SLC6A18: variants seen among roughly 807,000 people sequenced by gnomAD.
SLC6A18 encodes the protein solute carrier family 6 member 18, also known as inactive sodium-dependent neutral amino acid transporter B(0)AT3.
Under a neutral mutation model 62.9 loss-of-function variants are expected in SLC6A18, and 58 were observed. That is an observed-to-expected ratio of 0.92 (90% CI 0.75 to 1.15). SLC6A18 has a LOEUF of 1.15. Ranked by LOEUF, SLC6A18 falls within the 50% of genes most tolerant of loss-of-function variation. The pLI, the probability that SLC6A18 is intolerant of heterozygous loss-of-function variation, is 0.00. For synonymous variants in SLC6A18, 382 were observed against 365.8 expected, an observed-to-expected ratio of 1.04 and a Z score of -0.51; for missense variants, 793 against 836.6, an observed-to-expected ratio of 0.95 and a Z score of 0.64.
chr5:1,238,295 T>G (rs1746945753), intron 5 of SLC6A18, among the ~76,000 whole-genome samples: 1 of 121,806 alleles, frequency 8.2e-6, no homozygotes, highest in Non-Finnish European at 1.8e-5. Flanking sequence ...AGGTTTGGAG[T>G]GGGCCTGGAG....
chr5:1,239,463 A>G lies in SLC6A18; in HGVS notation c.746A>G (p.Gln249Arg). ...YLFTPNMHIL[Q>R]NPRVWLDAAT... ...GACTCATTCCAGATGCACATTCTCC[A>G]GAACCCCCGGGTGTGGCTGGACGCA... is the stretch of plus-strand genomic sequence containing the variant. The change falls in exon 6 of 12, where the codon CAG becomes CGG. Residue 249 changes from glutamine (Q) to arginine (R), a missense_variant. Transcript: ENST00000324642. 6.2e-7 allele frequency: 1 copy of G among 1,613,948 alleles called. No homozygotes were observed. Among genetic ancestry groups the G allele is most frequent in the South Asian group, 1.1e-5 (1 of 91,084 alleles).
In SLC6A18 at chr5:1,246,027, CA is replaced by C; in HGVS notation, c.1837del (p.Thr613ArgfsTer?). The C allele has an allele frequency of 6.3e-7, 1 of 1,594,416 alleles. No homozygotes were observed. Among genetic ancestry groups the C allele is most frequent in the Non-Finnish European group, 8.5e-7 (1 of 1,175,966 alleles). On this transcript the variant is annotated frameshift_variant, in exon 12 of 12. Coordinates refer to ENST00000324642, the MANE Select transcript of SLC6A18 (RefSeq NM_182632.3). LOFTEE classifies it low-confidence loss of function (END_TRUNC). ...GCCCAGACACGGACATGCGCCCGGA[CA>C]CGGACACGCGCCCAGACACGGACAT... Reference protein sequence around the residue: ...ARPDTDMRPDTDTRPDTDMRP... With the variant: ...ARPDTDMRPDXDTRPDTDMRP...
chr5:1,229,673 G>A (rs1746672837), intron 1 of SLC6A18, among the ~76,000 whole-genome samples: 2 of 152,254 alleles, frequency 1.3e-5, no homozygotes, highest in African/African-American at 4.8e-5. Context: ...GCCTGAGTGT[G>A]GCCACGAAGC....
chr5:1,230,160 T>A (rs1287482316), intron 1 of SLC6A18, among the ~76,000 whole-genome samples: 1 of 16,982 alleles, frequency 5.9e-5, no homozygotes, highest in East Asian at 1.2e-3. Context: ...AGGCTGGTCG[T>A]GGGGGAGGGA....
intron 1 of SLC6A18, among the ~76,000 whole-genome samples, chr5:1,228,059 G>T (rs761933976): frequency 6.6e-6 from 1 of 152,194 alleles, no homozygotes; most frequent in Non-Finnish European, 1.5e-5. Context: ...CACCAAAAAC[G>T]ACACTGTATT....
At position 1,246,037 on chromosome 5, in the gene SLC6A18, C is replaced by T. The variant is rs1340420132; in HGVS notation, c.1846C>T (p.Arg616Cys). 6.3e-7 allele frequency: 1 copy of T among 1,593,198 alleles called. No homozygotes were observed. Among genetic ancestry groups the T allele is most frequent in the South Asian group, 1.1e-5 (1 of 89,840 alleles). The change falls in exon 12 of 12, where the codon CGC (arginine) becomes TGC (cysteine). Residue 616 changes from arginine to cysteine, a missense_variant. Transcript: ENST00000324642. Reference protein sequence around the residue: ...DTDMRPDTDTRPDTDMRPDTD... With the variant: ...DTDMRPDTDTCPDTDMRPDTD... ...GGACATGCGCCCGGACACGGACACGCGCCCAGACACGGACATGCGCCCGGA... is the reference window on the plus strand; with the variant it reads ...GGACATGCGCCCGGACACGGACACGTGCCCAGACACGGACATGCGCCCGGA...
At chr5:1,235,726 T>C in intron 4 of SLC6A18, 64 bp downstream of exon 4, 1 of 1,543,932 alleles carries the variant, frequency 6.5e-7, no homozygotes, top group Non-Finnish European at 8.9e-7. Context: ...CCCTCCCCAT[T>C]GACCTGTGTT....
chr5:1,232,331 G>A lies in SLC6A18; in HGVS notation c.273G>A (p.Thr91=), dbSNP rs781591952. Residue 91 remains threonine (T), a synonymous_variant, in exon 2 of 12, where the codon ACG becomes ACA. Transcript: ENST00000324642. Reference sequence around the variant, plus strand: ...GGAAGGGCAGCGTCGGCGTGTGGACGGCCATCTCCCCGTACCTCAGTGGAG... The same window carrying A: ...GGAAGGGCAGCGTCGGCGTGTGGACAGCCATCTCCCCGTACCTCAGTGGAG... The part of the protein sequence containing the change: ...RLRKGSVGVW[T]AISPYLSGVG... The A allele has an allele frequency of 1.9e-5, 31 of 1,611,576 alleles. No individual in the cohort carries two copies. Among genetic ancestry groups the A allele is most frequent in the South Asian group, 1.8e-4 (16 of 90,630 alleles).
At position 1,239,556 on chromosome 5, in the gene SLC6A18, C is replaced by T. The variant is rs115431461; in HGVS notation, c.839C>T (p.Ser280Leu). Reference protein sequence around the residue: ...GGHIAFASYNSPRNDCQKDAV... With the variant: ...GGHIAFASYNLPRNDCQKDAV... ...CACATCGCTTTTGCAAGTTACAACT[C>T]GCCCAGGTAGGCAGTCGGGCTCAGC... The change falls in exon 6 of 12, where the codon TCG becomes TTG. Residue 280 changes from serine (S) to leucine (L), a missense_variant. Transcript: ENST00000324642. 1.1e-3 allele frequency: 1,830 copies of T among 1,613,464 alleles called. 14 individuals carry two copies. In the African/African-American group the frequency reaches 0.018, roughly 16 times the overall value.
intron 1 of SLC6A18, among the ~76,000 whole-genome samples, chr5:1,227,603 A>G (rs980895828): frequency 6.6e-6 from 1 of 152,252 alleles, no homozygotes; most frequent in Non-Finnish European, 1.5e-5. Context: ...GCATATACTC[A>G]TGACTACCAA....
intron 1 of SLC6A18, among the ~76,000 whole-genome samples, chr5:1,227,172 GCCGATGCCTTGCCCA>G (rs2126524045): frequency 6.9e-6 from 1 of 144,888 alleles, no homozygotes; most frequent in East Asian, 2.0e-4. Context: ...TGCCTTGCCC[GCCGATGCCTTGCCCA>G]CCGAAACCCA....
At chr5:1,244,177 T>TTCCCCC in intron 9 of SLC6A18, 37 bp from the exon 10 acceptor site, 1 of 387,120 alleles carries the variant, frequency 2.6e-6, no homozygotes, top group Non-Finnish European at 4.7e-6. Context: ...CCACTCCCCA[T>TTCCCCC]CCCCTTACCC....
chr5:1,234,107 C>T (rs948426647), intron 3 of SLC6A18, among the ~76,000 whole-genome samples: 2 of 151,982 alleles, frequency 1.3e-5, no homozygotes, highest in Non-Finnish European at 2.9e-5. Context: ...TGATCTTGAA[C>T]CCTTGGGTTC....
At chr5:1,226,758 A>G (rs1746578997) in intron 1 of SLC6A18, among the ~76,000 whole-genome samples, 1 of 152,168 alleles carries the variant, frequency 6.6e-6, no homozygotes. Context: ...CCAAAGCCCA[A>G]GGGCAGAGGC....
chr5:1,227,924 TG>T (rs916736771), intron 1 of SLC6A18, among the ~76,000 whole-genome samples: 1 of 152,220 alleles, frequency 6.6e-6, no homozygotes, highest in African/African-American at 2.4e-5. Flanking sequence ...CTGGTGGCCC[TG>T]GGCTGGCTGT....
chr5:1,232,485 G>A (rs1746758850), intron 2 of SLC6A18, 126 bp downstream of exon 2: 1 of 1,322,992 alleles, frequency 7.6e-7, no homozygotes, highest in South Asian at 1.4e-5. Flanking sequence ...CGGCGGGTGG[G>A]GTGGCAGGGA....
chr5:1,240,697 G>A (rs778372536), intron 7 of SLC6A18, 38 bp downstream of exon 7: 1 of 1,609,146 alleles, frequency 6.2e-7, no homozygotes, highest in Admixed American at 1.7e-5. Context: ...GTGGGGCACA[G>A]CCGCCAGACA....
At chr5:1,239,389 C>A in intron 5 of SLC6A18, 61 bp from the exon 6 acceptor site, 3 of 1,303,486 alleles carry the variant, frequency 2.3e-6, no homozygotes, top group South Asian at 2.4e-5. Context: ...CTGGAACAGT[C>A]AGGGCCACCA....
At chr5:1,228,590 T>C (rs1243095513) in intron 1 of SLC6A18, among the ~76,000 whole-genome samples, 1 of 152,258 alleles carries the variant, frequency 6.6e-6, no homozygotes, top group Non-Finnish European at 1.5e-5. Flanking sequence ...CACAGCCACC[T>C]TTCCCGTCTT....
Sources: gnomAD v4.1 joint callset for allele counts (sites outside exome capture counted in the v4.1 genomes callset) on GRCh38, gnomAD v4.1.1 for gene constraint, MANE v1.5 for transcripts, NCBI Gene and HGNC (gene_info 2026-07-23, HGNC 2026-07-21) for gene names.